The following UST variants were observed in gnomAD, a reference collection of about 807,000 sequenced individuals.
UST encodes uronyl 2-sulfotransferase.
In UST, 21 loss-of-function variants were observed where a neutral mutation model predicts 45.6. That is an observed-to-expected ratio of 0.46 (90% confidence interval 0.33 to 0.66). The LOEUF is 0.66. Among genes scored for constraint, UST ranks in the 30% least tolerant of loss-of-function variants. The probability of loss-of-function intolerance (pLI) is 0.02; values close to 1 mark genes in which losing one functional copy is unlikely to be tolerated. For synonymous variants in UST, 215 were observed against 200.6 expected, an observed-to-expected ratio of 1.07 and a Z score of -0.61; for missense variants, 463 against 512.4, an observed-to-expected ratio of 0.90 and a Z score of 0.93.
At chr6:148,947,922 GA>G (rs11341439) in intron 3 of UST, among the ~76,000 whole-genome samples, 18,643 of 146,386 alleles carry the variant, frequency 0.13, 1,400 homozygotes, top group African/African-American at 0.2. Flanking sequence ...AAACTTGGTG[GA>G]AAAAAAAAAA....
At chr6:148,753,626 G>A (rs1776033198) in intron 1 of UST, among the ~76,000 whole-genome samples, 1 of 152,266 alleles carries the variant, frequency 6.6e-6, no homozygotes, top group East Asian at 1.9e-4. Context: ...AAGTAGTGCT[G>A]CTATGAACAT....
intron 1 of UST, among the ~76,000 whole-genome samples, chr6:148,846,147 C>T (rs1777983765): frequency 1.3e-5 from 2 of 150,920 alleles, no homozygotes; most frequent in South Asian, 2.1e-4. Context: ...CACATGCACA[C>T]GTATGTTTAT....
At chr6:148,814,033 G>A (rs967380681) in intron 1 of UST, among the ~76,000 whole-genome samples, 3 of 152,012 alleles carry the variant, frequency 2.0e-5, no homozygotes, top group African/African-American at 4.8e-5. Context: ...GCATTTACAC[G>A]ATGCACTTTC....
intron 2 of UST, among the ~76,000 whole-genome samples, chr6:148,932,102 G>A (rs923066612): frequency 9.9e-5 from 15 of 152,150 alleles, no homozygotes; most frequent in African/African-American, 2.2e-4. Context: ...ATTTTTGGCC[G>A]AGCGCGGTGC....
intron 3 of UST, among the ~76,000 whole-genome samples, chr6:148,944,654 A>G (rs1014962563): frequency 2.6e-5 from 4 of 152,140 alleles, no homozygotes; most frequent in Non-Finnish European, 4.4e-5. Context: ...TAAAAATCCC[A>G]CTACATCTGT....
intron 2 of UST, among the ~76,000 whole-genome samples, chr6:148,932,106 G>A (rs933082920): frequency 2.0e-5 from 3 of 152,168 alleles, no homozygotes; most frequent in Non-Finnish European, 4.4e-5. Context: ...TTGGCCGAGC[G>A]CGGTGCCTCA....
intron 1 of UST, among the ~76,000 whole-genome samples, chr6:148,796,224 A>G (rs1776945723): frequency 6.6e-6 from 1 of 152,262 alleles, no homozygotes; most frequent in Non-Finnish European, 1.5e-5. Flanking sequence ...TACAAGGGAC[A>G]TAAGATTTTG....
chr6:148,955,932 C>A (rs1780487281), intron 4 of UST: 1 of 152,176 alleles, frequency 6.6e-6, no homozygotes, highest in South Asian at 2.1e-4. Flanking sequence ...TGGCCATATT[C>A]TGTGATGGCC....
intron 7 of UST, among the ~76,000 whole-genome samples, chr6:149,031,123 C>G (rs1776133277): frequency 1.3e-5 from 2 of 151,922 alleles, no homozygotes; most frequent in Admixed American, 6.6e-5. Context: ...AGGAGAATTG[C>G]CTGAACCCGG....
chr6:148,816,822 G>T (rs1777364572), intron 1 of UST, among the ~76,000 whole-genome samples: 1 of 151,968 alleles, frequency 6.6e-6, no homozygotes, highest in Admixed American at 6.5e-5. Flanking sequence ...ACACTCATTT[G>T]TGGAGTAACA....
At chr6:149,065,300 T>C (rs1048970738) in intron 7 of UST, among the ~76,000 whole-genome samples, 7 of 152,252 alleles carry the variant, frequency 4.6e-5, no homozygotes, top group Admixed American at 3.9e-4. Context: ...GCTGATTCCA[T>C]AGTCCATGTA....
chr6:148,789,453 TCACACACACACACACA>T (rs58763326), intron 1 of UST, among the ~76,000 whole-genome samples: 1 of 134,224 alleles, frequency 7.5e-6, no homozygotes, highest in Non-Finnish European at 1.6e-5. Context: ...TCTCTCTCTC[TCACACACACACACACA>T]CACACACACA....
intron 7 of UST, among the ~76,000 whole-genome samples, chr6:149,069,711 C>T (rs1776790456): frequency 6.6e-6 from 1 of 152,110 alleles, no homozygotes; most frequent in African/African-American, 2.4e-5. Flanking sequence ...GTCACCTAAT[C>T]GTAATCAAAG....
At chr6:148,799,787 C>T (rs1057417499) in intron 1 of UST, among the ~76,000 whole-genome samples, 4 of 151,964 alleles carry the variant, frequency 2.6e-5, no homozygotes, top group African/African-American at 9.7e-5. Context: ...TTTATTTTAC[C>T]TATATGCAAA....
intron 1 of UST, among the ~76,000 whole-genome samples, chr6:148,869,364 G>A (rs1028975521): frequency 6.6e-6 from 1 of 152,082 alleles, no homozygotes; most frequent in African/African-American, 2.4e-5. Flanking sequence ...AGGAAAAGGA[G>A]AGTGATGAAT....
At chr6:149,043,003 C>CTTTCTT (rs1562337744) in intron 7 of UST, among the ~76,000 whole-genome samples, 1 of 115,900 alleles carries the variant, frequency 8.6e-6, no homozygotes, top group African/African-American at 4.2e-5. Flanking sequence ...TTCTTTCTTT[C>CTTTCTT]TTTCTTTCTT....
At chr6:149,024,449 C>G (rs574810217) in intron 7 of UST, among the ~76,000 whole-genome samples, 92 of 152,298 alleles carry the variant, frequency 6.0e-4, no homozygotes, top group African/African-American at 2.1e-3. Context: ...TGGGCATCTT[C>G]TTGTGATATG....
At chr6:148,887,950 A>C (rs1273773618) in intron 2 of UST, among the ~76,000 whole-genome samples, 1 of 152,214 alleles carries the variant, frequency 6.6e-6, no homozygotes, top group Non-Finnish European at 1.5e-5. Context: ...GCAGTTGTAA[A>C]TACACGGTGA....
chr6:148,943,621 T>C (rs1321386041), intron 3 of UST, among the ~76,000 whole-genome samples: 1 of 152,220 alleles, frequency 6.6e-6, no homozygotes, highest in Admixed American at 6.5e-5. Flanking sequence ...AATGGTTGGC[T>C]TGTCTGGAAG....
Sources: gnomAD v4.1 joint callset for allele counts (sites outside exome capture counted in the v4.1 genomes callset) on GRCh38, gnomAD v4.1.1 for gene constraint, MANE v1.5 for transcripts, NCBI Gene and HGNC (gene_info 2026-07-23, HGNC 2026-07-21) for gene names.